Variants in XPNPEP1 observed in about 807,000 individuals in gnomAD.
XPNPEP1 encodes X-prolyl aminopeptidase 1.
A neutral mutation model predicts 92.4 loss-of-function variants in XPNPEP1; 39 were observed. The ratio of observed to expected loss-of-function variants is 0.42; its 90% CI spans 0.33 to 0.55. XPNPEP1 has a LOEUF of 0.55. Among genes scored for constraint, XPNPEP1 ranks in the 20% least tolerant of loss-of-function variants. The pLI is 0.08. For synonymous variants in XPNPEP1, 307 were observed against 299.4 expected (o/e 1.03, Z -0.26); for missense variants, 654 against 856.1 (o/e 0.76, Z 2.95).
chr10:109,881,798 G>C (rs959565549), intron 10 of XPNPEP1, among the ~76,000 whole-genome samples: 1 of 152,336 alleles, frequency 6.6e-6, no homozygotes, highest in East Asian at 1.9e-4. Flanking sequence ...TAATGAAAAT[G>C]AGGCAACAAG....
chr10:109,907,683 T>C lies in XPNPEP1; in HGVS notation c.246+8A>G, dbSNP rs771885251. ...AAAAGAAAGGAGAGGCCCATTGCCA[T>C]GCAGTACCTGATGAGCATCTCCCGA... On this transcript the variant is annotated splice_region_variant and intron_variant, in intron 3 of 20. Transcript: ENST00000502935. 2 of 1,614,212 alleles carry C rather than the reference T, an allele frequency of 1.2e-6. No individual in the cohort carries two copies. The highest frequency in any genetic ancestry group is 1.7e-5 in the Admixed American group (1 of 60,024).
chr10:109,876,303 A>G (rs1409968901), intron 14 of XPNPEP1: 1 of 152,260 alleles, frequency 6.6e-6, no homozygotes, highest in African/African-American at 2.4e-5. Context: ...CCTGCAGCTG[A>G]AGTGAGGTTG....
chr10:109,871,937 A>T, intron 16 of XPNPEP1, 76 bp from the exon 17 acceptor site: 2 of 1,422,140 alleles, frequency 1.4e-6, no homozygotes, highest in Non-Finnish European at 1.9e-6. Flanking sequence ...TAGTTCAGAA[A>T]ATCCTGCCTG....
chr10:109,883,427 C>T (rs1362700637), intron 9 of XPNPEP1, among the ~76,000 whole-genome samples: 4 of 152,104 alleles, frequency 2.6e-5, no homozygotes, highest in African/African-American at 9.7e-5. Context: ...AGGCCCCTCT[C>T]GTAACACCTG....
intron 3 of XPNPEP1, among the ~76,000 whole-genome samples, chr10:109,904,884 T>C (rs1464030037): frequency 6.6e-6 from 1 of 152,162 alleles, no homozygotes; most frequent in Non-Finnish European, 1.5e-5. Flanking sequence ...AGAAGGATCA[T>C]ATGATCTGGC....
chr10:109,883,514 C>G (rs1025510566), intron 9 of XPNPEP1, among the ~76,000 whole-genome samples: 1 of 152,178 alleles, frequency 6.6e-6, no homozygotes, highest in Non-Finnish European at 1.5e-5. Context: ...ATCTCCCCAA[C>G]TCCAGCCAAG....
chr10:109,906,636 C>A (rs1270718164), intron 3 of XPNPEP1, among the ~76,000 whole-genome samples: 3 of 152,208 alleles, frequency 2.0e-5, no homozygotes, highest in African/African-American at 7.2e-5. Context: ...CTATTACCTG[C>A]AACTGAAGAA....
intron 8 of XPNPEP1, among the ~76,000 whole-genome samples, chr10:109,885,700 A>G (rs903713547): frequency 6.6e-6 from 1 of 152,240 alleles, no homozygotes; most frequent in African/African-American, 2.4e-5. Context: ...AGGAAGGTTC[A>G]ACCAGATTCC....
At position 109,907,717 on chromosome 10, in the gene XPNPEP1, T is replaced by C. The variant is rs142210976; in HGVS notation, c.220A>G (p.Ile74Val). 1 of 1,614,224 alleles carries C rather than the reference T, an allele frequency of 6.2e-7. No homozygotes were observed. The highest frequency in any genetic ancestry group is 8.5e-7 in the Non-Finnish European group (1 of 1,180,042). The change falls in exon 3 of 21, where the codon ATC becomes GTC. Residue 74 changes from isoleucine (I) to valine (V), a missense_variant. Physicochemically the swap from Ile to Val is conservative, Grantham distance 29 (BLOSUM62 3). Transcript: ENST00000502935. ...EYVTEPIQAYIIPSGDAHQSE... is the reference protein window; with the variant it reads ...EYVTEPIQAYVIPSGDAHQSE... ...TGATGAGCATCTCCCGATGGGATGA[T>C]GTAGGCCTGGATCGGTTCGGTCACA... is the stretch of plus-strand genomic sequence containing the variant.
rs777617744 is a variant in XPNPEP1, at chr10:109,886,333, A to G, written c.661T>C (p.Trp221Arg). The G allele has an allele frequency of 3.1e-6, 5 of 1,614,030 alleles. No individual in the cohort carries two copies. Among genetic ancestry groups the G allele is most frequent in the Non-Finnish European group, 4.2e-6 (5 of 1,180,006 alleles). The change falls in exon 8 of 21, where the codon TGG becomes CGG. Residue 221 changes from tryptophan (W) to arginine (R), a missense_variant. Physicochemically the swap from Trp to Arg is moderately radical, Grantham distance 101. Transcript: ENST00000502935. ...TLGLDYTGIS[W>R]KDKVADLRLK... ...CGAAGGTCTGCAACCTTGTCCTTCC[A>G]GGAGATGCCTGCAAGAAACAAATGT...
intron 4 of XPNPEP1, chr10:109,892,519 A>C (rs1848756403): frequency 6.3e-6 from 1 of 159,318 alleles, no homozygotes; most frequent in Non-Finnish European, 1.4e-5. Flanking sequence ...TAAAACTCAA[A>C]GGCATAATGG....
chr10:109,904,920 A>C (rs1344766748), intron 3 of XPNPEP1, among the ~76,000 whole-genome samples: 1 of 152,250 alleles, frequency 6.6e-6, no homozygotes, highest in African/African-American at 2.4e-5. Flanking sequence ...CATATATCCA[A>C]AAGAATGGAA....
chr10:109,882,737 G>A, intron 9 of XPNPEP1, 95 bp from the exon 10 acceptor site: 1 of 1,377,684 alleles, frequency 7.3e-7, no homozygotes, highest in Non-Finnish European at 1.0e-6. Context: ...TCTGTTTCCT[G>A]GCAACCAAAA....
intron 20 of XPNPEP1, among the ~76,000 whole-genome samples, chr10:109,866,544 C>T (rs1847154932): frequency 6.6e-6 from 1 of 152,204 alleles, no homozygotes; most frequent in Non-Finnish European, 1.5e-5. Context: ...CAGCCAAACG[C>T]CCATGGCCCT....
intron 2 of XPNPEP1, among the ~76,000 whole-genome samples, chr10:109,908,462 T>C (rs772133676): frequency 1.1e-4 from 17 of 152,018 alleles, no homozygotes; most frequent in Non-Finnish European, 1.9e-4. Context: ...ATCAGCCAGG[T>C]GTGGTGGCAC....
At chr10:109,912,933 T>C (rs766163575) in intron 2 of XPNPEP1, among the ~76,000 whole-genome samples, 1 of 152,236 alleles carries the variant, frequency 6.6e-6, no homozygotes, top group Non-Finnish European at 1.5e-5. Flanking sequence ...GTAATGAATC[T>C]TCAGTGACAG....
intron 1 of XPNPEP1, among the ~76,000 whole-genome samples, chr10:109,921,319 G>C (rs1173168013): frequency 1.3e-5 from 2 of 152,304 alleles, no homozygotes; most frequent in Middle Eastern, 3.4e-3. Context: ...CCAACATCCA[G>C]CTCAGTGCTC....
Position 109,880,208 on chromosome 10 carries a change from A to C in XPNPEP1, c.1162T>G (p.Phe388Val), listed in dbSNP as rs1388901944. 6.2e-7 allele frequency: 1 copy of C among 1,614,054 alleles called. No homozygotes were observed. Among genetic ancestry groups the C allele is most frequent in the African/African-American group, 1.3e-5 (1 of 75,064 alleles). The change falls in exon 12 of 21, where the codon TTT becomes GTT. Residue 388 changes from phenylalanine (F) to valine (V), a missense_variant. Coordinates refer to ENST00000502935, the MANE Select transcript of XPNPEP1 (RefSeq NM_020383.4). ...IKDAVALCELFNWLEKEVPKG... is the reference protein window; with the variant it reads ...IKDAVALCELVNWLEKEVPKG... Reference sequence around the variant, plus strand: ...CCAACCTCTTTCTCCAGCCAGTTAAAGAGTTCACAGAGAGCAACAGCATCT... The same window carrying C: ...CCAACCTCTTTCTCCAGCCAGTTAACGAGTTCACAGAGAGCAACAGCATCT...
intron 5 of XPNPEP1, among the ~76,000 whole-genome samples, chr10:109,890,915 T>C (rs1316106037): frequency 1.3e-5 from 2 of 152,202 alleles, no homozygotes; most frequent in Non-Finnish European, 2.9e-5. Flanking sequence ...CATTATTTCC[T>C]ACAACAAACA....
Sources: gnomAD v4.1 joint callset for allele counts (sites outside exome capture counted in the v4.1 genomes callset) on GRCh38, gnomAD v4.1.1 for gene constraint, MANE v1.5 for transcripts, NCBI Gene and HGNC (gene_info 2026-07-23, HGNC 2026-07-21) for gene names.